The following PTPRM variants were observed in gnomAD, a reference collection of about 807,000 sequenced individuals.
The protein encoded by PTPRM is protein tyrosine phosphatase receptor type M, also known as receptor-type tyrosine-protein phosphatase mu.
Under a neutral mutation model 186.7 loss-of-function variants are expected in PTPRM, and 47 were observed. That is an observed-to-expected ratio of 0.25 (90% CI 0.20 to 0.32). PTPRM has a LOEUF of 0.32. Ranked by LOEUF, PTPRM falls within the 10% of genes least tolerant of loss-of-function variation. PTPRM has a pLI of 1.00. For synonymous variants in PTPRM, 668 were observed against 674.9 expected (o/e 0.99, Z 0.16); for missense variants, 1,494 against 1,865.0 (o/e 0.80, Z 3.66).
At chr18:8,067,453 C>A (rs2089172837) in intron 7 of PTPRM, among the ~76,000 whole-genome samples, 2 of 152,136 alleles carry the variant, frequency 1.3e-5, no homozygotes, top group Non-Finnish European at 2.9e-5. Flanking sequence ...AGGGAACATT[C>A]CATGAGAATG....
intron 17 of PTPRM, among the ~76,000 whole-genome samples, 183 bp from the exon 18 acceptor site, chr18:8,252,305 C>T (rs2147383991): frequency 6.6e-6 from 1 of 152,362 alleles, no homozygotes; most frequent in East Asian, 1.9e-4. Flanking sequence ...AAATTCAATG[C>T]CTCCATCCTA....
At chr18:8,203,614 A>G (rs1459368986) in intron 14 of PTPRM, among the ~76,000 whole-genome samples, 1 of 152,206 alleles carries the variant, frequency 6.6e-6, no homozygotes, top group Non-Finnish European at 1.5e-5. Flanking sequence ...CTGCAGTTAT[A>G]TGGAAGAATT....
intron 14 of PTPRM, among the ~76,000 whole-genome samples, chr18:8,226,044 T>A (rs2094209700): frequency 6.6e-6 from 1 of 152,140 alleles, no homozygotes; most frequent in Admixed American, 6.5e-5. Context: ...ACCTCACATA[T>A]AATCAAGTAT....
chr18:8,356,719 C>T (rs969014950), intron 23 of PTPRM, among the ~76,000 whole-genome samples: 3 of 152,132 alleles, frequency 2.0e-5, no homozygotes, highest in South Asian at 2.1e-4. Flanking sequence ...CTCCAGTTGG[C>T]GGCTACAGGA....
At chr18:8,213,606 C>A (rs2094036962) in intron 14 of PTPRM, among the ~76,000 whole-genome samples, 1 of 152,238 alleles carries the variant, frequency 6.6e-6, no homozygotes, top group African/African-American at 2.4e-5. Flanking sequence ...GAGCCAGGAT[C>A]CTACAGCAAC....
intron 11 of PTPRM, among the ~76,000 whole-genome samples, chr18:8,099,531 T>C (rs750627328): frequency 2.6e-5 from 4 of 152,168 alleles, no homozygotes; most frequent in Non-Finnish European, 5.9e-5. Flanking sequence ...GATCAACCAC[T>C]GGGGCCGGGA....
intron 22 of PTPRM, among the ~76,000 whole-genome samples, chr18:8,331,415 G>T (rs1568762716): frequency 6.6e-6 from 1 of 152,118 alleles, no homozygotes; most frequent in Non-Finnish European, 1.5e-5. Context: ...CATGTTTTAT[G>T]TCAGTAACTA....
intron 10 of PTPRM, 90 bp from the exon 11 acceptor site, chr18:8,088,659 T>C: frequency 1.9e-6 from 2 of 1,068,096 alleles, no homozygotes; most frequent in South Asian, 1.3e-5. Flanking sequence ...TGCACTGTGT[T>C]CTTAATGCTC....
At chr18:7,631,652 T>C (rs1215927545) in intron 1 of PTPRM, among the ~76,000 whole-genome samples, 1 of 152,136 alleles carries the variant, frequency 6.6e-6, no homozygotes, top group African/African-American at 2.4e-5. Context: ...TTTTGCAATT[T>C]TTAAGAAGTT....
rs1318444144 is a variant in PTPRM, at chr18:8,380,575, C to T, written c.3918+148C>T. 3.4e-5 allele frequency: 32 copies of T among 943,666 alleles called. No homozygotes were observed. The East Asian group carries it at 5.3e-4, about 16-fold the overall frequency. The allele number at this position is 943,666 out of a possible 1,614,324, so 58.5% of individuals were successfully genotyped here. ...TGAGAACTGGGGATGCTGAACACAA[C>T]GGTTAAAAATCAGGCGGAATTAGGG... On this transcript the variant is annotated intron_variant, in intron 29 of 32. Coordinates refer to ENST00000580170, the MANE Select transcript of PTPRM (RefSeq NM_001105244.2).
At chr18:8,249,574 G>A (rs1259196969) in intron 17 of PTPRM, among the ~76,000 whole-genome samples, 3 of 152,192 alleles carry the variant, frequency 2.0e-5, no homozygotes, top group African/African-American at 7.2e-5. Flanking sequence ...TTCATGTGCT[G>A]TGGCATTCAT....
Position 8,085,683 on chromosome 18 carries a change from G to A in PTPRM, c.1564G>A (p.Ala522Thr). ...VITLYEITYK[A>T]VSSFDPEIDL... The stretch of plus-strand genomic sequence containing the variant: ...CATTCTTTTGCAGATCACCTACAAA[G>A]CAGTCAGTTCCTTTGACCCAGAAAT... The change falls in exon 10 of 33, where the codon GCA becomes ACA. Residue 522 changes from alanine to threonine, a missense_variant. Ala to Thr is a moderately conservative substitution (Grantham distance 58). Around this residue, in one of 3 missense-constraint regions of PTPRM, gnomAD observed 1,107 missense variants for 1,350.2 expected, o/e 0.82. Coordinates refer to ENST00000580170, the MANE Select transcript of PTPRM (RefSeq NM_001105244.2). 1.2e-6 allele frequency: 2 copies of A among 1,602,826 alleles called. No individual in the cohort carries two copies. The highest frequency in any genetic ancestry group is 8.5e-7 in the Non-Finnish European group (1 of 1,169,994).
chr18:8,262,717 CAGTAGGCAGTATATTAACTGATAATAT>C (rs2094647104), intron 19 of PTPRM, among the ~76,000 whole-genome samples: 4 of 152,242 alleles, frequency 2.6e-5, no homozygotes, highest in African/African-American at 9.6e-5. Context: ...ACTGATAATA[CAGTAGGCAGTATATTAACTGATAATAT>C]AGTAGGCAAT....
At chr18:8,370,817 G>A in intron 23 of PTPRM, 73 bp from the exon 24 acceptor site, 2 of 824,958 alleles carry the variant, frequency 2.4e-6, no homozygotes, top group Admixed American at 2.4e-5. Flanking sequence ...ATAAATCATA[G>A]TGTGACCCAT....
chr18:7,713,308 C>G (rs1001501106), intron 1 of PTPRM, among the ~76,000 whole-genome samples: 2 of 152,090 alleles, frequency 1.3e-5, no homozygotes, highest in Admixed American at 6.5e-5. Flanking sequence ...CCTTTACAGA[C>G]AAGCAAATGC....
intron 1 of PTPRM, among the ~76,000 whole-genome samples, chr18:7,723,916 C>T (rs2040497445): frequency 6.6e-6 from 1 of 152,148 alleles, no homozygotes; most frequent in African/African-American, 2.4e-5. Context: ...CTGAAGCTTC[C>T]TTACAAATAT....
chr18:7,736,630 G>A (rs1484543606), intron 1 of PTPRM, among the ~76,000 whole-genome samples: 7 of 152,208 alleles, frequency 4.6e-5, no homozygotes, highest in African/African-American at 9.6e-5. Flanking sequence ...TGAAAGGGTC[G>A]TGATTGATTT....
intron 13 of PTPRM, among the ~76,000 whole-genome samples, chr18:8,125,754 A>C (rs375250626): frequency 2.6e-5 from 4 of 151,872 alleles, no homozygotes; most frequent in African/African-American, 9.7e-5. Context: ...GAAATTGGAA[A>C]TGCCCCTAGT....
chr18:8,161,182 A>G (rs1481835242), intron 14 of PTPRM, among the ~76,000 whole-genome samples: 1 of 152,222 alleles, frequency 6.6e-6, no homozygotes, highest in African/African-American at 2.4e-5. Context: ...GGAAGCTGTC[A>G]TGCAGGAGTG....
Sources: allele counts gnomAD v4.1 joint callset (sites outside exome capture counted in the v4.1 genomes callset), GRCh38; gene constraint gnomAD v4.1.1; regional missense constraint gnomAD v4.1.1; transcripts MANE v1.5; gene names NCBI Gene and HGNC (gene_info 2026-07-23, HGNC 2026-07-21).